GBE1: variants seen among roughly 807,000 people sequenced by gnomAD.
GBE1 encodes 1,4-alpha-glucan branching enzyme 1.
A neutral mutation model predicts 88.8 loss-of-function variants in GBE1; 70 were observed. The observed-to-expected ratio is 0.79, with a 90% CI of 0.65 to 0.96. GBE1 has a LOEUF of 0.96. GBE1 is among the 40% of genes least tolerant of loss of function. The pLI, the probability that GBE1 is intolerant of heterozygous loss-of-function variation, is 0.00. For synonymous variants in GBE1, 284 were observed against 300.1 expected (o/e 0.95, Z 0.56); for missense variants, 872 against 871.0 (o/e 1.00, Z -0.01).
At chr3:81,610,860 A>G (rs1045283222) in intron 7 of GBE1, among the ~76,000 whole-genome samples, 2 of 152,182 alleles carry the variant, frequency 1.3e-5, no homozygotes, top group Admixed American at 1.3e-4. Flanking sequence ...CGTTAAAAAC[A>G]TAAAAGTGGT....
intron 7 of GBE1, among the ~76,000 whole-genome samples, chr3:81,642,295 C>T (rs1342049232): frequency 6.6e-6 from 1 of 151,992 alleles, no homozygotes; most frequent in Non-Finnish European, 1.5e-5. Context: ...ATATCTAAAA[C>T]ACTTGGCACC....
chr3:81,502,112 T>C (rs1246322695), intron 14 of GBE1, among the ~76,000 whole-genome samples: 2 of 151,980 alleles, frequency 1.3e-5, no homozygotes, highest in African/African-American at 4.8e-5. Flanking sequence ...ATAAAAATCA[T>C]GTGTCCATCA....
chr3:81,503,078 A>G (rs1702610403), intron 14 of GBE1, among the ~76,000 whole-genome samples: 1 of 152,172 alleles, frequency 6.6e-6, no homozygotes, highest in Non-Finnish European at 1.5e-5. Context: ...AGAAAAGCCA[A>G]ATTACATATA....
chr3:81,579,511 T>G (rs962933170), intron 11 of GBE1, among the ~76,000 whole-genome samples: 3 of 152,146 alleles, frequency 2.0e-5, no homozygotes, highest in African/African-American at 7.2e-5. Context: ...TCATGCCACT[T>G]ATTTGTTTAC....
chr3:81,649,495 A>G (rs1438987047), intron 4 of GBE1, among the ~76,000 whole-genome samples: 3 of 147,488 alleles, frequency 2.0e-5, no homozygotes, highest in Admixed American at 1.3e-4. Flanking sequence ...GTCTCTGATC[A>G]ATCAGAAATT....
At chr3:81,551,499 G>A (rs1576145286) in intron 12 of GBE1, among the ~76,000 whole-genome samples, 2 of 152,150 alleles carry the variant, frequency 1.3e-5, no homozygotes, top group East Asian at 1.9e-4. Context: ...TGCTCACTGA[G>A]GTCAATGCAT....
intron 2 of GBE1, among the ~76,000 whole-genome samples, chr3:81,704,318 T>A (rs1348362196): frequency 6.6e-6 from 1 of 152,062 alleles, no homozygotes; most frequent in Non-Finnish European, 1.5e-5. Flanking sequence ...AAAGTTCTGT[T>A]AAGTCAGGTT....
At chr3:81,558,730 T>G (rs1049792142) in intron 12 of GBE1, among the ~76,000 whole-genome samples, 2 of 152,144 alleles carry the variant, frequency 1.3e-5, no homozygotes, top group Admixed American at 1.3e-4. Flanking sequence ...ATGATTATTT[T>G]CTTCACTAAA....
chr3:81,637,186 G>A (rs1032157093), intron 7 of GBE1, among the ~76,000 whole-genome samples: 6 of 152,218 alleles, frequency 3.9e-5, no homozygotes, highest in East Asian at 3.9e-4. Context: ...CTCTCAAAAT[G>A]TAATACTGTA....
intron 2 of GBE1, among the ~76,000 whole-genome samples, chr3:81,684,631 G>A (rs757482748): frequency 8.5e-5 from 13 of 152,162 alleles, no homozygotes; most frequent in Non-Finnish European, 1.6e-4. Flanking sequence ...CTCAACATAT[G>A]AATTTTGAGG....
At chr3:81,500,150 C>T (rs187135360) in intron 14 of GBE1, among the ~76,000 whole-genome samples, 39 of 152,250 alleles carry the variant, frequency 2.6e-4, no homozygotes, top group African/African-American at 5.3e-4. Context: ...AAGATGGACA[C>T]GCTACAGAAA....
chr3:81,592,738 T>C (rs1218995496), intron 8 of GBE1, among the ~76,000 whole-genome samples: 2 of 152,022 alleles, frequency 1.3e-5, no homozygotes, highest in Non-Finnish European at 2.9e-5. Flanking sequence ...AAGATACTCC[T>C]CTCTCGGTGA....
chr3:81,670,855 G>A lies in GBE1; in HGVS notation c.412C>T (p.His138Tyr). Residue 138 changes from histidine to tyrosine, a missense_variant, in exon 3 of 16, where the codon CAT becomes TAT. Transcript: ENST00000429644. ...GAAAGTACCTTTAATTTGGATCCAT[G>A]AGGCACGAGTACAGATTTATTCTGC... Reference protein sequence around the residue: ...PKQNKSVLVPHGSKLKVVITS... With the variant: ...PKQNKSVLVPYGSKLKVVITS... 2 of 1,556,942 alleles carry A rather than the reference G, an allele frequency of 1.3e-6. No individual in the cohort carries two copies. Among genetic ancestry groups the A allele is most frequent in the Non-Finnish European group, 1.7e-6 (2 of 1,156,798 alleles).
chr3:81,704,391 G>A (rs946831451), intron 2 of GBE1, among the ~76,000 whole-genome samples: 9 of 152,042 alleles, frequency 5.9e-5, no homozygotes, highest in African/African-American at 2.2e-4. Flanking sequence ...TTCTATAAAT[G>A]TTGATAAATT....
chr3:81,699,949 G>A (rs995795668), intron 2 of GBE1, among the ~76,000 whole-genome samples: 2 of 152,210 alleles, frequency 1.3e-5, no homozygotes. Flanking sequence ...TGAAATGTAA[G>A]TGCAAATCAC....
At chr3:81,552,505 A>G (rs185065743) in intron 12 of GBE1, among the ~76,000 whole-genome samples, 209 of 146,538 alleles carry the variant, frequency 1.4e-3, no homozygotes, top group African/African-American at 4.7e-3. Flanking sequence ...AGACAGAGCA[A>G]GGCTCTATCT....
intron 7 of GBE1, among the ~76,000 whole-genome samples, chr3:81,609,436 A>C (rs1054390620): frequency 6.6e-6 from 1 of 152,022 alleles, no homozygotes; most frequent in Non-Finnish European, 1.5e-5. Context: ...GCTCAAAGCC[A>C]AAAAAAACTT....
chr3:81,693,241 AT>A (rs1297508447), intron 2 of GBE1, among the ~76,000 whole-genome samples: 3 of 152,160 alleles, frequency 2.0e-5, no homozygotes, highest in Non-Finnish European at 4.4e-5. Flanking sequence ...ACCAAAAAAA[AT>A]ATGCAATCAA....
intron 11 of GBE1, among the ~76,000 whole-genome samples, chr3:81,578,665 A>C (rs1482982172): frequency 1.3e-5 from 2 of 151,954 alleles, no homozygotes; most frequent in Non-Finnish European, 2.9e-5. Context: ...ATTTAATCTA[A>C]ATTTAGTTTG....
Sources: gnomAD v4.1 joint callset for allele counts (sites outside exome capture counted in the v4.1 genomes callset) on GRCh38, gnomAD v4.1.1 for gene constraint, MANE v1.5 for transcripts, NCBI Gene and HGNC (gene_info 2026-07-23, HGNC 2026-07-21) for gene names.